Variants in NALCN observed in about 807,000 individuals in gnomAD.
The protein encoded by NALCN is sodium leak channel NALCN.
NALCN carries 111 observed loss-of-function variants against 225.3 expected under a neutral mutation model. That is an observed-to-expected ratio of 0.49 (90% CI 0.42 to 0.58). The LOEUF (loss-of-function observed/expected upper bound fraction) is 0.58. Ranked by LOEUF, NALCN falls within the 20% of genes least tolerant of loss-of-function variation. NALCN has a pLI of 0.00. For synonymous variants in NALCN, 764 were observed against 769.0 expected (o/e 0.99, Z 0.11); for missense variants, 1,378 against 2,202.4 (o/e 0.63, Z 7.49).
chr13:101,415,768 C>A (rs2047925351), intron 1 of NALCN, among the ~76,000 whole-genome samples: 1 of 152,228 alleles, frequency 6.6e-6, no homozygotes, highest in Non-Finnish European at 1.5e-5. Flanking sequence ...GGCAAGGCCG[C>A]GGAGCCCCCG....
chr13:101,249,349 C>T (rs2140186706), intron 11 of NALCN, among the ~76,000 whole-genome samples: 1 of 152,180 alleles, frequency 6.6e-6, no homozygotes, highest in African/African-American at 2.4e-5. Flanking sequence ...AAACAATAGC[C>T]CTAGATGGTG....
chr13:101,167,047 CCTCT>C lies in NALCN; in HGVS notation c.1839+9249_1839+9252del, dbSNP rs759538866. ...TATATATGTGAGGGTTTACTTGTGG[CCTCT>C]CTATTCTGTTCCACTGGTCTATATG... On this transcript the variant is annotated intron_variant, in intron 15 of 43. Transcript: ENST00000251127. Among the ~76,000 whole-genome samples the C allele has an allele frequency of 3.3e-5, 5 of 152,108 alleles. No homozygotes were observed. In the East Asian group the frequency reaches 7.7e-4, roughly 23 times the overall value.
In NALCN at chr13:101,124,687, A is replaced by T; in HGVS notation, c.2119-6T>A. On this transcript the variant is annotated splice_region_variant and splice_polypyrimidine_tract_variant and intron_variant, in intron 17 of 43. Coordinates refer to ENST00000251127, the MANE Select transcript of NALCN (RefSeq NM_052867.4). Reference sequence around the variant, plus strand: ...CTGAAAACAGACTTGCGAAGCTGAAAATGATAAGAGTATGACTTTTAGTTT... The same window carrying T: ...CTGAAAACAGACTTGCGAAGCTGAATATGATAAGAGTATGACTTTTAGTTT... 1 of 1,613,476 alleles carries T rather than the reference A, an allele frequency of 6.2e-7. No homozygotes were observed. The highest frequency in any genetic ancestry group is 8.5e-7 in the Non-Finnish European group (1 of 1,179,604).
At chr13:101,284,455 C>G (rs2043272121) in intron 9 of NALCN, among the ~76,000 whole-genome samples, 1 of 152,106 alleles carries the variant, frequency 6.6e-6, no homozygotes, top group African/African-American at 2.4e-5. Context: ...TCTTCCACTC[C>G]CTGGCTTGGA....
In NALCN at chr13:101,081,621, G is replaced by A. The variant is rs968340313; in HGVS notation, c.3791C>T (p.Ser1264Leu). The stretch of plus-strand genomic sequence containing the variant: ...TCTGCTTTGCCAGAAGCCAGCAGGC[G>A]ACATTGCTATGATCTTCATGGTAAC... Reference protein sequence around the residue: ...LEVTMKIIAMSPAGFWQSRRN... With the variant: ...LEVTMKIIAMLPAGFWQSRRN... The change falls in exon 34 of 44, where the codon TCG (serine) becomes TTG (leucine). Residue 1264 changes from serine (S) to leucine (L), a missense_variant. Physicochemically the swap from Ser to Leu is moderately radical, Grantham distance 145. Coordinates refer to ENST00000251127, the MANE Select transcript of NALCN (RefSeq NM_052867.4). 4.3e-6 allele frequency: 7 copies of A among 1,614,010 alleles called. No homozygotes were observed. The highest frequency in any genetic ancestry group is 1.3e-5 in the African/African-American group (1 of 74,936).
At chr13:101,081,467 T>C in intron 34 of NALCN, 60 bp downstream of exon 34, 1 of 1,608,826 alleles carries the variant, frequency 6.2e-7, no homozygotes, top group Non-Finnish European at 8.5e-7. Flanking sequence ...GAAACAGGAC[T>C]GAGCAGAACT....
chr13:101,127,843 T>A lies in NALCN; in HGVS notation c.2119-3162A>T, dbSNP rs145663216. Among the ~76,000 whole-genome samples the A allele has an allele frequency of 3.2e-4, 48 of 152,348 alleles. No individual in the cohort carries two copies. In the East Asian group the frequency reaches 6.7e-3, roughly 21 times the overall value. On this transcript the variant is annotated intron_variant, in intron 17 of 43. Transcript: ENST00000251127. ...TGATTATCTAGTTATTCCCTTCTTT[T>A]TTCTTACTTCTATAGTAAAGCTTTG...
chr13:101,138,209 C>T (rs1319659441), intron 17 of NALCN, among the ~76,000 whole-genome samples: 1 of 152,200 alleles, frequency 6.6e-6, no homozygotes, highest in Non-Finnish European at 1.5e-5. Context: ...GCATCTTGCT[C>T]ACTGTTGAAT....
intron 40 of NALCN, among the ~76,000 whole-genome samples, chr13:101,063,726 CT>C (rs111813942): frequency 0.029 from 4,304 of 146,212 alleles, 132 homozygotes; most frequent in East Asian, 0.094. Flanking sequence ...TGATCTGATC[CT>C]TTTTTTTTTT....
intron 17 of NALCN, among the ~76,000 whole-genome samples, chr13:101,130,751 C>G (rs1394989386): frequency 6.6e-6 from 1 of 152,062 alleles, no homozygotes; most frequent in East Asian, 1.9e-4. Context: ...ATCACTTGTT[C>G]TTATTTGGGC....
At chr13:101,353,922 G>A (rs1370133879) in intron 6 of NALCN, among the ~76,000 whole-genome samples, 2 of 152,132 alleles carry the variant, frequency 1.3e-5, no homozygotes, top group African/African-American at 4.8e-5. Context: ...AATAATATAT[G>A]TTCCCCAAGT....
intron 10 of NALCN, among the ~76,000 whole-genome samples, chr13:101,265,021 G>C (rs920185113): frequency 2.6e-5 from 4 of 152,180 alleles, no homozygotes; most frequent in Non-Finnish European, 4.4e-5. Context: ...AAGCAATGCA[G>C]CCTTGTTGAT....
At chr13:101,156,673 G>A (rs1465215237) in intron 15 of NALCN, among the ~76,000 whole-genome samples, 2 of 152,008 alleles carry the variant, frequency 1.3e-5, no homozygotes, top group South Asian at 2.1e-4. Flanking sequence ...TTCTCTGATG[G>A]TATGAACTCT....
intron 6 of NALCN, among the ~76,000 whole-genome samples, chr13:101,370,843 C>G (rs2046519312): frequency 6.6e-6 from 1 of 152,172 alleles, no homozygotes; most frequent in Non-Finnish European, 1.5e-5. Context: ...GAAGCACAGT[C>G]AAGATAATGA....
intron 17 of NALCN, among the ~76,000 whole-genome samples, chr13:101,125,282 T>G (rs1594257987): frequency 6.6e-6 from 1 of 152,070 alleles, no homozygotes; most frequent in African/African-American, 2.4e-5. Flanking sequence ...TGGTGGAAGG[T>G]GTACAAGGAG....
chr13:101,339,930 G>A (rs1266147462), intron 7 of NALCN, among the ~76,000 whole-genome samples: 3 of 152,090 alleles, frequency 2.0e-5, no homozygotes, highest in Non-Finnish European at 2.9e-5. Context: ...GGAATAAAAT[G>A]AAATGGGAGA....
At chr13:101,396,190 G>A (rs2047287504) in intron 2 of NALCN, among the ~76,000 whole-genome samples, 1 of 151,808 alleles carries the variant, frequency 6.6e-6, no homozygotes, top group South Asian at 2.1e-4. Flanking sequence ...ATAAGTGTGT[G>A]TTAACATGAA....
chr13:101,059,931 T>G lies in NALCN; in HGVS notation c.4792A>C (p.Arg1598=). The G allele has an allele frequency of 6.2e-7, 1 of 1,614,068 alleles. No individual in the cohort carries two copies. The highest frequency in any genetic ancestry group is 8.5e-7 in the Non-Finnish European group (1 of 1,180,002). Residue 1598 remains arginine (R), a synonymous_variant, in exon 42 of 44, where the codon AGA becomes CGA. Transcript: ENST00000251127. ...QQSCSIIHSL[R]ESQQQELSRF... is the part of the protein sequence containing the mutation. ...CTCAGCTCTTGCTGCTGACTCTCTC[T>G]CAGGCTGTGGATGATACTGCACGAC...
intron 6 of NALCN, among the ~76,000 whole-genome samples, chr13:101,350,949 A>C (rs1469383747): frequency 1.3e-5 from 2 of 152,196 alleles, no homozygotes; most frequent in East Asian, 3.9e-4. Context: ...CAATTCCTTA[A>C]AGTAAATCTC....
Sources: gnomAD v4.1 joint callset for allele counts (sites outside exome capture counted in the v4.1 genomes callset) on GRCh38, gnomAD v4.1.1 for gene constraint, MANE v1.5 for transcripts, NCBI Gene and HGNC (gene_info 2026-07-23, HGNC 2026-07-21) for gene names.